The following HOMER1 variants were observed in gnomAD, a reference collection of about 807,000 sequenced individuals.
HOMER1 encodes the protein homer protein homolog 1.
In HOMER1, 3 loss-of-function variants were observed where a neutral mutation model predicts 48.9. The observed-to-expected ratio is 0.06, with a 90% CI of 0.03 to 0.16. The LOEUF is 0.16. HOMER1 is among the 10% of genes least tolerant of loss of function. The pLI, the probability that HOMER1 is intolerant of heterozygous loss-of-function variation, is 1.00. For synonymous variants in HOMER1, 134 were observed against 146.4 expected, an observed-to-expected ratio of 0.92 and a Z score of 0.61; for missense variants, 247 against 411.4, an observed-to-expected ratio of 0.60 and a Z score of 3.46.
rs146056970 is a variant in HOMER1 at position 79,490,940 on chromosome 5, AATAAATAG to A, written c.5+21822_5+21829del. On this transcript the variant is annotated intron_variant, in intron 1 of 8. Transcript: ENST00000334082. ...ACCCTGTCTCTAAAACAGCTAAGTA[AATAAATAG>A]ATAAATAGATAAGTTTCTTGGAAAT... Among the ~76,000 whole-genome samples, 735 of 151,704 alleles carry A rather than the reference AATAAATAG, an allele frequency of 4.8e-3. 4 individuals carry two copies. The highest frequency in any genetic ancestry group is 0.017 in the African/African-American group (714 of 41,394).
At chr5:79,484,421 C>T (rs1752039004) in intron 1 of HOMER1, among the ~76,000 whole-genome samples, 1 of 151,936 alleles carries the variant, frequency 6.6e-6, no homozygotes, top group African/African-American at 2.4e-5. Flanking sequence ...GATCTAAACA[C>T]CCACAATTAA....
At chr5:79,423,447 G>A (rs1433366804) in intron 5 of HOMER1, among the ~76,000 whole-genome samples, 1 of 152,160 alleles carries the variant, frequency 6.6e-6, no homozygotes, top group Non-Finnish European at 1.5e-5. Context: ...AGTTGTAACT[G>A]ATGGATCACA....
chr5:79,500,953 G>GTGTGTGTGTGTGAGAC (rs1491130611), intron 1 of HOMER1, among the ~76,000 whole-genome samples: 5 of 113,752 alleles, frequency 4.4e-5, no homozygotes, highest in African/African-American at 1.8e-4. Context: ...GTGTGTGTGT[G>GTGTGTGTGTGTGAGAC]AGACAGACAG....
intron 2 of HOMER1, 82 bp downstream of exon 2, chr5:79,456,780 G>C: frequency 1.7e-6 from 2 of 1,171,024 alleles, no homozygotes; most frequent in Non-Finnish European, 2.4e-6. Flanking sequence ...TATTAATGAA[G>C]ATAAAATGTT....
intron 5 of HOMER1, among the ~76,000 whole-genome samples, chr5:79,432,773 A>T (rs558842683): frequency 9.8e-5 from 15 of 152,318 alleles, no homozygotes; most frequent in African/African-American, 3.4e-4. Context: ...GTTTCCAGAG[A>T]ATGCAGAACA....
At chr5:79,483,071 T>A (rs1264313057) in intron 1 of HOMER1, among the ~76,000 whole-genome samples, 2 of 151,860 alleles carry the variant, frequency 1.3e-5, no homozygotes, top group Non-Finnish European at 2.9e-5. Context: ...AAGCCATAGA[T>A]CTGAGAAGTT....
chr5:79,439,856 CATTTTA>C (rs1017079781), intron 4 of HOMER1, among the ~76,000 whole-genome samples: 4 of 152,066 alleles, frequency 2.6e-5, no homozygotes, highest in Non-Finnish European at 5.9e-5. Flanking sequence ...AAATTTATGT[CATTTTA>C]AATAAATTGA....
At chr5:79,486,946 A>C (rs182311159) in intron 1 of HOMER1, among the ~76,000 whole-genome samples, 2 of 152,336 alleles carry the variant, frequency 1.3e-5, no homozygotes, top group Non-Finnish European at 2.9e-5. Flanking sequence ...GTACCCTTTG[A>C]GAATAAAATT....
intron 1 of HOMER1, among the ~76,000 whole-genome samples, chr5:79,503,825 C>T (rs1021313855): frequency 4.6e-5 from 7 of 151,894 alleles, no homozygotes; most frequent in African/African-American, 1.7e-4. Flanking sequence ...TTATCTTCAT[C>T]TTCACATTGA....
At chr5:79,426,341 A>G (rs931120945) in intron 5 of HOMER1, among the ~76,000 whole-genome samples, 2 of 152,158 alleles carry the variant, frequency 1.3e-5, no homozygotes, top group Admixed American at 6.5e-5. Flanking sequence ...AGCACTATTC[A>G]TAACAGTCAA....
At chr5:79,459,757 T>C (rs1217872093) in intron 1 of HOMER1, among the ~76,000 whole-genome samples, 4 of 152,252 alleles carry the variant, frequency 2.6e-5, no homozygotes, top group Admixed American at 2.0e-4. Context: ...TTCACTACGA[T>C]AGATTCTCTA....
At chr5:79,387,971 A>T (rs896455050) in intron 8 of HOMER1, among the ~76,000 whole-genome samples, 2 of 152,242 alleles carry the variant, frequency 1.3e-5, no homozygotes, top group African/African-American at 4.8e-5. Flanking sequence ...GGTATTTCTC[A>T]AGCTCTCACT....
In HOMER1 at chr5:79,497,832, C is replaced by T. The variant is rs111768580; in HGVS notation, c.5+14938G>A. Among the ~76,000 whole-genome samples, 265 of 152,216 alleles carry T rather than the reference C, an allele frequency of 1.7e-3. 2 individuals are homozygous for T. Among genetic ancestry groups the T allele is most frequent in the African/African-American group, 6.0e-3 (251 of 41,524 alleles). On this transcript the variant is annotated intron_variant, in intron 1 of 8. Coordinates refer to ENST00000334082, the MANE Select transcript of HOMER1 (RefSeq NM_004272.5). ...TCTCACGTTTGATTTGTAAGCTTCA[C>T]TTATCAAATGCAGTCACTCTCAAAT...
chr5:79,402,168 CTTTT>C (rs1296790356), intron 5 of HOMER1, 113 bp from the exon 6 acceptor site: 207 of 656,764 alleles, frequency 3.2e-4, no homozygotes, highest in East Asian at 6.4e-4. Context: ...GTTTTCTTTT[CTTTT>C]TTTTTTTTTT....
intron 1 of HOMER1, among the ~76,000 whole-genome samples, chr5:79,471,125 T>C (rs1349214333): frequency 1.3e-5 from 2 of 152,158 alleles, no homozygotes; most frequent in Non-Finnish European, 2.9e-5. Flanking sequence ...GGTGAGTCCT[T>C]TTCTGTATAT....
chr5:79,404,368 T>C (rs1300951257), intron 5 of HOMER1, among the ~76,000 whole-genome samples: 1 of 152,204 alleles, frequency 6.6e-6, no homozygotes. Flanking sequence ...CCATCAAGCA[T>C]TTTATAACTG....
chr5:79,481,052 GATCT>G (rs1751931172), intron 1 of HOMER1, among the ~76,000 whole-genome samples: 1 of 152,166 alleles, frequency 6.6e-6, no homozygotes. Flanking sequence ...TTATGATACA[GATCT>G]ATCTAAAACA....
intron 5 of HOMER1, among the ~76,000 whole-genome samples, chr5:79,422,932 C>A (rs1000266570): frequency 6.7e-6 from 1 of 149,718 alleles, no homozygotes; most frequent in Non-Finnish European, 1.5e-5. Flanking sequence ...ACCTTTCTCT[C>A]ATTTGTTATC....
intron 5 of HOMER1, among the ~76,000 whole-genome samples, chr5:79,417,423 T>A (rs1749976583): frequency 6.6e-6 from 1 of 152,224 alleles, no homozygotes; most frequent in Non-Finnish European, 1.5e-5. Context: ...ATTATAGGCG[T>A]GAGCCACCGC....
Sources: gnomAD v4.1 joint callset for allele counts (sites outside exome capture counted in the v4.1 genomes callset) on GRCh38, gnomAD v4.1.1 for gene constraint, MANE v1.5 for transcripts, NCBI Gene and HGNC (gene_info 2026-07-23, HGNC 2026-07-21) for gene names.